The following ROBO2 variants were observed in gnomAD, a reference collection of about 807,000 sequenced individuals.
The protein encoded by ROBO2 is roundabout guidance receptor 2.
ROBO2 carries 53 observed loss-of-function variants against 160.8 expected under a neutral mutation model. The ratio of observed to expected loss-of-function variants is 0.33; its 90% CI spans 0.26 to 0.41. The LOEUF (loss-of-function observed/expected upper bound fraction) is 0.41. Among genes scored for constraint, ROBO2 ranks in the 10% least tolerant of loss-of-function variants. The pLI is 1.00. For missense variants in ROBO2, 1,577 were observed against 1,722.4 expected, an observed-to-expected ratio of 0.92 and a Z score of 1.49; for synonymous variants, 664 against 611.7, an observed-to-expected ratio of 1.09 and a Z score of -1.26.
chr3:76,952,665 T>C (rs185349788), intron 2 of ROBO2, among the ~76,000 whole-genome samples: 2 of 152,214 alleles, frequency 1.3e-5, no homozygotes, highest in Admixed American at 6.5e-5. Context: ...TTTTCATCTA[T>C]ATAGTTAGTA....
At chr3:77,066,867 A>G (rs913667562) in intron 1 of ROBO2, among the ~76,000 whole-genome samples, 20 of 152,126 alleles carry the variant, frequency 1.3e-4, no homozygotes, top group Non-Finnish European at 5.9e-5. Flanking sequence ...AATCTTTGGT[A>G]TCCTTGCACT....
chr3:77,485,973 C>T lies in ROBO2; in HGVS notation c.667+4754C>T, dbSNP rs573434890. On this transcript the variant is annotated intron_variant, in intron 4 of 25. Coordinates refer to ENST00000461745, the Ensembl canonical transcript of ROBO2. ...ACAGGCTCCAGTGTGTGTTGTTCCC[C>T]TGATGTGTTCATATGTTACCATTGT... Among the ~76,000 whole-genome samples, 3 of 152,176 alleles carry T rather than the reference C, an allele frequency of 2.0e-5. No homozygotes were observed. In the East Asian group the frequency reaches 5.8e-4, roughly 29 times the overall value.
chr3:76,255,301 A>G (rs1469273869), intron 2 of ROBO2, among the ~76,000 whole-genome samples: 2 of 152,170 alleles, frequency 1.3e-5, no homozygotes, highest in Non-Finnish European at 2.9e-5. Context: ...TTTTAGCCCT[A>G]TCTGGAAGAT....
intron 2 of ROBO2, among the ~76,000 whole-genome samples, chr3:76,602,395 G>A (rs576274759): frequency 7.2e-5 from 11 of 152,194 alleles, no homozygotes; most frequent in Admixed American, 2.6e-4. Context: ...GTATTCGTTC[G>A]TTTTCATGCT....
rs148381182 is a variant in ROBO2 at position 76,897,151 on chromosome 3, A to G, written c.110-200863A>G. Reference sequence around the variant, plus strand: ...CCTAAAACTACGTTAAGCAGTTTTCATTTTCACTTCACATTTATGATGGAT... The same window carrying G: ...CCTAAAACTACGTTAAGCAGTTTTCGTTTTCACTTCACATTTATGATGGAT... On this transcript the variant is annotated intron_variant, in intron 2 of 26. Coordinates refer to the ROBO2 transcript ENST00000487694. Among the ~76,000 whole-genome samples the G allele has an allele frequency of 3.6e-3, 542 of 152,278 alleles. 5 individuals are homozygous for G. Among genetic ancestry groups the G allele is most frequent in the Middle Eastern group, 0.02 (6 of 294 alleles).
chr3:76,282,990 CTTTAT>C (rs1015794851), intron 2 of ROBO2, among the ~76,000 whole-genome samples: 25 of 144,166 alleles, frequency 1.7e-4, no homozygotes, highest in East Asian at 8.1e-4. Flanking sequence ...TTTATTTTTT[CTTTAT>C]TTTAAGAAAA....
rs75860891 is a variant in ROBO2, at chr3:77,474,201, A to G, written c.389-3213A>G. Reference sequence around the variant, plus strand: ...ATTGTATGTTCTTTAAGGTTATTGAATCCGCCTAAAAATTATCTATACTTC... The same window carrying G: ...ATTGTATGTTCTTTAAGGTTATTGAGTCCGCCTAAAAATTATCTATACTTC... On this transcript the variant is annotated intron_variant, in intron 2 of 25. Transcript: ENST00000461745. 8.1e-3 allele frequency among the ~76,000 whole-genome samples: 1,229 copies of G among 152,292 alleles called. 24 individuals carry two copies. Among genetic ancestry groups the G allele is most frequent in the African/African-American group, 0.028 (1,164 of 41,554 alleles).
At chr3:76,650,117 T>C (rs960406834) in intron 2 of ROBO2, among the ~76,000 whole-genome samples, 1 of 151,666 alleles carries the variant, frequency 6.6e-6, no homozygotes, top group African/African-American at 2.4e-5. Flanking sequence ...AGAAACATAT[T>C]CAAAAAGAAG....
At chr3:77,031,981 TCA>T (rs2063353844) in intron 2 of ROBO2, among the ~76,000 whole-genome samples, 1 of 152,148 alleles carries the variant, frequency 6.6e-6, no homozygotes, top group African/African-American at 2.4e-5. Context: ...TGGTACCTTC[TCA>T]CTGTGTCTTC....
At chr3:75,911,070 T>A (rs1385943306) in intron 1 of ROBO2, among the ~76,000 whole-genome samples, 1 of 152,120 alleles carries the variant, frequency 6.6e-6, no homozygotes. Flanking sequence ...TGTAGTTTTT[T>A]AAAATTCTAA....
At chr3:76,101,376 G>A (rs1471213160) in intron 2 of ROBO2, among the ~76,000 whole-genome samples, 1 of 152,046 alleles carries the variant, frequency 6.6e-6, no homozygotes, top group Admixed American at 6.6e-5. Flanking sequence ...GCTGGGAGGG[G>A]ACGATCACAC....
intron 2 of ROBO2, among the ~76,000 whole-genome samples, chr3:77,394,467 G>A (rs1178982684): frequency 1.3e-5 from 2 of 151,992 alleles, no homozygotes; most frequent in African/African-American, 4.8e-5. Context: ...TAATGAAAAC[G>A]TATTTCTATA....
At chr3:76,767,394 G>T (rs1292154752) in intron 2 of ROBO2, among the ~76,000 whole-genome samples, 1 of 151,540 alleles carries the variant, frequency 6.6e-6, no homozygotes, top group Non-Finnish European at 1.5e-5. Context: ...CAATTAATTT[G>T]TCTACTTATA....
chr3:77,602,471 A>G (rs1259246814), exon 20 of ROBO2: 1 of 1,614,146 alleles, frequency 6.2e-7, no homozygotes, highest in Admixed American at 1.7e-5. Flanking sequence ...TCTCTACCTG[A>G]TCAGAACAAA....
At chr3:77,634,632 A>G in intron 23 of ROBO2, 2 of 510,920 alleles carry the variant, frequency 3.9e-6, no homozygotes. Context: ...TTTTATGTTC[A>G]TTTGTTTGAT....
intron 2 of ROBO2, among the ~76,000 whole-genome samples, chr3:76,264,178 T>C (rs1250779822): frequency 6.6e-6 from 1 of 152,098 alleles, no homozygotes; most frequent in East Asian, 1.9e-4. Context: ...ATGGCACATG[T>C]GTACCTATGT....
rs1225231654 is a variant in ROBO2 at position 76,119,889 on chromosome 3, TC to T, written c.109+182290del. Among the ~76,000 whole-genome samples the T allele has an allele frequency of 2.3e-3, 272 of 118,972 alleles. 2 individuals carry two copies. Among genetic ancestry groups the T allele is most frequent in the African/African-American group, 9.1e-3 (256 of 28,154 alleles). The allele number at this position is 118,972 out of a possible 152,430, so 78.1% of individuals were successfully genotyped here. A position where few individuals can be genotyped will look rare whatever the true frequency, so the allele number is the denominator to read the frequency against. On this transcript the variant is annotated intron_variant, in intron 2 of 26. Coordinates refer to the ROBO2 transcript ENST00000487694. Reference sequence around the variant, plus strand: ...CTCCCCTTCCTTCCCTTCCTTCCCTTCCCTTCCTTCCCTTCCTTCCCTCCCT... The same window carrying T: ...CTCCCCTTCCTTCCCTTCCTTCCCTTCCTTCCTTCCCTTCCTTCCCTCCCT...
chr3:76,312,456 A>G (rs1042677703), intron 2 of ROBO2, among the ~76,000 whole-genome samples: 3 of 152,204 alleles, frequency 2.0e-5, no homozygotes, highest in Non-Finnish European at 2.9e-5. Context: ...CATTAAATAT[A>G]TTACAAATCT....
At chr3:76,875,907 G>A (rs1272085376) in intron 2 of ROBO2, among the ~76,000 whole-genome samples, 1 of 151,892 alleles carries the variant, frequency 6.6e-6, no homozygotes, top group Admixed American at 6.6e-5. Flanking sequence ...GCCTGCTTTG[G>A]CCTCCTAAAG....
Sources: gnomAD v4.1 joint callset for allele counts (sites outside exome capture counted in the v4.1 genomes callset) on GRCh38, gnomAD v4.1.1 for gene constraint, MANE v1.5 for transcripts, NCBI Gene and HGNC (gene_info 2026-07-23, HGNC 2026-07-21) for gene names.